SLC5A3: variants seen among roughly 807,000 people sequenced by gnomAD.
SLC5A3 encodes solute carrier family 5 member 3, also known as sodium/myo-inositol cotransporter.
A neutral mutation model predicts 43.2 loss-of-function variants in SLC5A3; 10 were observed. The observed-to-expected ratio is 0.23, with a 90% CI of 0.14 to 0.39. SLC5A3 has a LOEUF of 0.39. Among genes scored for constraint, SLC5A3 ranks in the 10% least tolerant of loss-of-function variants. The pLI is 1.00. For missense variants in SLC5A3, 608 were observed against 893.4 expected, an observed-to-expected ratio of 0.68 and a Z score of 4.07; for synonymous variants, 349 against 322.0, an observed-to-expected ratio of 1.08 and a Z score of -0.90.
At position 34,077,020 on chromosome 21, in the gene SLC5A3, C is replaced by G. The variant is rs142705153; in HGVS notation, c.-337+3275C>G. Reference sequence around the variant, plus strand: ...TGACAATGGAAAAAGAAATGGATTGCCTGTGAGATGGTGAGGTCTATATCC... The same window carrying G: ...TGACAATGGAAAAAGAAATGGATTGGCTGTGAGATGGTGAGGTCTATATCC... On this transcript the variant is annotated intron_variant, in intron 1 of 1. Coordinates refer to ENST00000381151, the MANE Select transcript of SLC5A3 (RefSeq NM_006933.7). 4.4e-3 allele frequency among the ~76,000 whole-genome samples: 669 copies of G among 152,274 alleles called. 3 individuals carry two copies. The highest frequency in any genetic ancestry group is 0.016 in the African/African-American group (647 of 41,552).
intron 1 of SLC5A3, among the ~76,000 whole-genome samples, chr21:34,085,663 G>A (rs1001409788): frequency 1.3e-5 from 2 of 149,516 alleles, no homozygotes; most frequent in Non-Finnish European, 1.5e-5. Context: ...TGCCAGTGGC[G>A]TGATCTCGGC....
rs11433558 is a variant in SLC5A3, at chr21:34,103,315, TA to T, written c.*5976del. ...ATTTTGTCGTAACTAGTGAAGGAAG[TA>T]AAAAAAAAAAAAAAACATGCATTAC... On this transcript the variant is annotated 3_prime_UTR_variant, in exon 2 of 2. Coordinates refer to ENST00000381151, the MANE Select transcript of SLC5A3 (RefSeq NM_006933.7). 0.048 allele frequency: 42,593 copies of T among 879,660 alleles called. 6 individuals are homozygous for T. The highest frequency in any genetic ancestry group is 0.054 in the Non-Finnish European group (39,155 of 730,120). 54.5% of individuals were successfully genotyped at this position (879,660 alleles called of 1,614,324 possible). A position where few individuals can be genotyped will look rare whatever the true frequency, so the allele number is the denominator to read the frequency against.
Position 34,100,211 on chromosome 21 carries a change from T to A in SLC5A3, c.*2856T>A. On this transcript the variant is annotated 3_prime_UTR_variant, in exon 2 of 2. Coordinates refer to ENST00000381151, the MANE Select transcript of SLC5A3 (RefSeq NM_006933.7). Reference sequence around the variant, plus strand: ...AAATAAATGTCTTACCAGGTGTTAATGGTATCCCCAGTTCTTAGACTTTTG... The same window carrying A: ...AAATAAATGTCTTACCAGGTGTTAAAGGTATCCCCAGTTCTTAGACTTTTG... 7.0e-6 allele frequency: 7 copies of A among 1,000,276 alleles called. No homozygotes were observed. Among genetic ancestry groups the A allele is most frequent in the Non-Finnish European group, 8.4e-6 (7 of 829,982 alleles). 62.0% of individuals were successfully genotyped at this position (1,000,276 alleles called of 1,614,324 possible).
intron 1 of SLC5A3, among the ~76,000 whole-genome samples, chr21:34,087,379 T>G (rs1383629382): frequency 6.6e-6 from 1 of 152,210 alleles, no homozygotes; most frequent in African/African-American, 2.4e-5. Flanking sequence ...TTGTTAATAT[T>G]TGATTTTTTT....
Position 34,102,106 on chromosome 21 carries a change from CTT to C in SLC5A3, c.*4752_*4753del, listed in dbSNP as rs1411303583. On this transcript the variant is annotated 3_prime_UTR_variant, in exon 2 of 2. Transcript: ENST00000381151. The stretch of plus-strand genomic sequence containing the variant: ...TTAACTTAGGGCTGCAAATCTTTTT[CTT>C]CTGTCAAGGTCACTTAATATGGAAT... The C allele has an allele frequency of 1.0e-6, 1 of 1,000,030 alleles. No homozygotes were observed. Among genetic ancestry groups the C allele is most frequent in the Non-Finnish European group, 1.2e-6 (1 of 829,830 alleles). The allele number at this position is 1,000,030 out of a possible 1,614,324, so 61.9% of individuals were successfully genotyped here. A position where few individuals can be genotyped will look rare whatever the true frequency, so the allele number is the denominator to read the frequency against.
chr21:34,073,900 A>G (rs1196814101), intron 1 of SLC5A3, among the ~76,000 whole-genome samples, 155 bp downstream of exon 1: 2 of 142,826 alleles, frequency 1.4e-5, no homozygotes, highest in Non-Finnish European at 3.1e-5. Flanking sequence ...CGTCCGCGGG[A>G]AGGGGGCGCG....
At position 34,100,632 on chromosome 21, in the gene SLC5A3, A is replaced by G. The variant is rs79471060; in HGVS notation, c.*3277A>G. 1.8e-4 allele frequency: 185 copies of G among 1,000,244 alleles called. No homozygotes were observed. In the African/African-American group the frequency reaches 3.1e-3, roughly 17 times the overall value. 62.0% of individuals were successfully genotyped at this position (1,000,244 alleles called of 1,614,324 possible). On this transcript the variant is annotated 3_prime_UTR_variant, in exon 2 of 2. Transcript: ENST00000381151. ...TACCTCAAGAAATTAGCTGGGACCC[A>G]TCACTCTGTGAAACTTCACATTTTA...
In SLC5A3 at chr21:34,099,983, A is replaced by G. The variant is rs1569418110; in HGVS notation, c.*2628A>G. 3 of 542,126 alleles carry G rather than the reference A, an allele frequency of 5.5e-6. No homozygotes were observed. Among genetic ancestry groups the G allele is most frequent in the Non-Finnish European group, 4.9e-6 (2 of 411,956 alleles). The allele number at this position is 542,126 out of a possible 1,614,324, so 33.6% of individuals were successfully genotyped here. A position where few individuals can be genotyped will look rare whatever the true frequency, so the allele number is the denominator to read the frequency against. Reference sequence around the variant, plus strand: ...TAGAATGATTGTTCCTGGAATGATCATACATGGACTGTCTTAAGCTAGCAA... The same window carrying G: ...TAGAATGATTGTTCCTGGAATGATCGTACATGGACTGTCTTAAGCTAGCAA... On this transcript the variant is annotated 3_prime_UTR_variant, in exon 2 of 2. Coordinates refer to ENST00000381151, the MANE Select transcript of SLC5A3 (RefSeq NM_006933.7).
chr21:34,080,121 C>T (rs926746733), intron 1 of SLC5A3, among the ~76,000 whole-genome samples: 7 of 152,176 alleles, frequency 4.6e-5, no homozygotes, highest in Non-Finnish European at 1.0e-4. Flanking sequence ...TAGCTAATAC[C>T]TGTAAATACG....
chr21:34,073,892 T>G (rs1989252628), intron 1 of SLC5A3, 147 bp downstream of exon 1: 2 of 266,668 alleles, frequency 7.5e-6, no homozygotes, highest in Admixed American at 1.3e-4. Flanking sequence ...GCGGCGGGCG[T>G]CCGCGGGAAG....
At position 34,095,009 on chromosome 21, in the gene SLC5A3, GTCT is replaced by G. The variant is rs1978899033; in HGVS notation, c.-184_-182del. 1.5e-5 allele frequency: 10 copies of G among 649,898 alleles called. No homozygotes were observed. In the Admixed American group the frequency reaches 2.8e-4, roughly 18 times the overall value. The allele number at this position is 649,898 out of a possible 1,614,324, so 40.3% of individuals were successfully genotyped here. On this transcript the variant is annotated 5_prime_UTR_variant, in exon 2 of 2. Coordinates refer to ENST00000381151, the MANE Select transcript of SLC5A3 (RefSeq NM_006933.7). ...AATTAAGAAGCGGAAAATTTAAACT[GTCT>G]TCTTCAAAGTTTATCACAACCACCA...
Position 34,100,953 on chromosome 21 carries a change from T to C in SLC5A3, c.*3598T>C, listed in dbSNP as rs549568495. The C allele has an allele frequency of 3.5e-4, 353 of 1,000,158 alleles. No homozygotes were observed. The highest frequency in any genetic ancestry group is 1.4e-3 in the East Asian group (12 of 8,808). The allele number at this position is 1,000,158 out of a possible 1,614,324, so 62.0% of individuals were successfully genotyped here. A position where few individuals can be genotyped will look rare whatever the true frequency, so the allele number is the denominator to read the frequency against. ...TGTTAAAGCTTACAGGGTTAACTTATGATGATTCTCCTGGCTCATTTTCAT... is the reference window on the plus strand; with the variant it reads ...TGTTAAAGCTTACAGGGTTAACTTACGATGATTCTCCTGGCTCATTTTCAT... On this transcript the variant is annotated 3_prime_UTR_variant, in exon 2 of 2. Transcript: ENST00000381151.
chr21:34,077,239 G>A (rs950223256), intron 1 of SLC5A3, among the ~76,000 whole-genome samples: 1 of 152,196 alleles, frequency 6.6e-6, no homozygotes, highest in Non-Finnish European at 1.5e-5. Context: ...TGGTAAAGCC[G>A]CATACTGTAT....
chr21:34,104,587 T>G lies in SLC5A3; in HGVS notation c.*7232T>G, dbSNP rs1403084768. 1 of 999,956 alleles carries G rather than the reference T, an allele frequency of 1.0e-6. No individual in the cohort carries two copies. The highest frequency in any genetic ancestry group is 6.2e-5 in the Admixed American group (1 of 16,244). 61.9% of individuals were successfully genotyped at this position (999,956 alleles called of 1,614,324 possible). ...CTGGTGTAGACTAATATGAGATGTT[T>G]TAGAAGAGTTAACCTGAACACTTTG... On this transcript the variant is annotated 3_prime_UTR_variant, in exon 2 of 2. Transcript: ENST00000381151.
At chr21:34,084,800 T>G (rs1309499352) in intron 1 of SLC5A3, among the ~76,000 whole-genome samples, 1 of 152,206 alleles carries the variant, frequency 6.6e-6, no homozygotes. Flanking sequence ...TATCTTAAAA[T>G]TTTTTTCATT....
chr21:34,105,636 A>G lies in SLC5A3; in HGVS notation c.*8281A>G. 1.0e-6 allele frequency: 1 copy of G among 999,808 alleles called. No homozygotes were observed. The highest frequency in any genetic ancestry group is 4.7e-5 in the South Asian group (1 of 21,280). 61.9% of individuals were successfully genotyped at this position (999,808 alleles called of 1,614,324 possible). On this transcript the variant is annotated 3_prime_UTR_variant, in exon 2 of 2. Transcript: ENST00000381151. ...TGTACATGTGTCATTTTAGTTAGGC[A>G]TTGTAGGCCAAATGTGATTATAAAT...
chr21:34,079,137 C>A (rs184368849), intron 1 of SLC5A3, among the ~76,000 whole-genome samples: 3 of 152,216 alleles, frequency 2.0e-5, no homozygotes, highest in Admixed American at 1.3e-4. Flanking sequence ...TGACCTGTCA[C>A]CTATATTTTT....
chr21:34,080,452 G>A (rs767813704), intron 1 of SLC5A3, among the ~76,000 whole-genome samples: 2 of 151,870 alleles, frequency 1.3e-5, no homozygotes, highest in Non-Finnish European at 2.9e-5. Context: ...TTTGGTGCCG[G>A]CATCATGCTG....
Position 34,096,652 on chromosome 21 carries a change from T to C in SLC5A3, c.1454T>C (p.Leu485Ser). The stretch of plus-strand genomic sequence containing the variant: ...GGCTTTGTTCTTGGAGCAGTCCGTT[T>C]GATACTGGCCTTTGCCTACCGTGCC... ...MAGFVLGAVR[L>S]ILAFAYRAPE... The change falls in exon 2 of 2, where the codon TTG becomes TCG. Residue 485 changes from leucine to serine, a missense_variant. By Grantham distance (145) the Leu-to-Ser change is moderately radical (BLOSUM62 -2). Around this residue, in one of 2 missense-constraint regions of SLC5A3, gnomAD observed 398 missense variants for 668.6 expected, o/e 0.60. Transcript: ENST00000381151. This position sits in a 1 kb window ranked among gnomAD's most constrained non-coding sequence, Gnocchi z 5.9. 6.2e-7 allele frequency: 1 copy of C among 1,614,204 alleles called. No individual in the cohort carries two copies. The highest frequency in any genetic ancestry group is 8.5e-7 in the Non-Finnish European group (1 of 1,180,014).
Sources: allele counts gnomAD v4.1 joint callset (sites outside exome capture counted in the v4.1 genomes callset), GRCh38; gene constraint gnomAD v4.1.1; regional missense constraint gnomAD v4.1.1; non-coding constraint Gnocchi (gnomAD v3.1); transcripts MANE v1.5; gene names NCBI Gene and HGNC (gene_info 2026-07-23, HGNC 2026-07-21).